ZNF600: variants seen among roughly 807,000 people sequenced by gnomAD.
ZNF600 encodes zinc finger protein KR-ZNF1.
Under a neutral mutation model 7.3 loss-of-function variants are expected in ZNF600, and 4 were observed. The observed-to-expected ratio is 0.55, with a 90% CI of 0.27 to 1.25. The LOEUF (loss-of-function observed/expected upper bound fraction) is 1.25, where lower values mean the gene tolerates loss of function less well. ZNF600 is among the 50% of genes most tolerant of loss of function. The pLI, the probability that ZNF600 is intolerant of heterozygous loss-of-function variation, is 0.12. For synonymous variants in ZNF600, 290 were observed against 308.9 expected, an observed-to-expected ratio of 0.94 and a Z score of 0.64; for missense variants, 911 against 922.1, an observed-to-expected ratio of 0.99 and a Z score of 0.16.
chr19:52,799,382 ATG>A, the ZNF600 span: 3 of 597,182 alleles, frequency 5.0e-6, no homozygotes, highest in South Asian at 6.3e-5. Context: ...GCATTTTCTT[ATG>A]TGTTTCAAGG....
the ZNF600 span, among the ~76,000 whole-genome samples, chr19:52,817,304 G>A: frequency 0.59 from 88,808 of 151,606 alleles, 27,214 homozygotes; most frequent in Non-Finnish European, 0.69. Context: ...CCCAGGAGGC[G>A]GAGGTTGCGG....
exon 4 of ZNF600, chr19:52,766,388 G>C (rs749561482): frequency 1.2e-6 from 2 of 1,613,978 alleles, no homozygotes; most frequent in Non-Finnish European, 8.5e-7. Flanking sequence ...GTGTCTCAAG[G>C]GTTGATCCAC....
intron 3 of ZNF600, 76 bp from the exon 6 acceptor site, chr19:52,767,848 C>T (rs1185762543): frequency 2.1e-6 from 3 of 1,460,610 alleles, no homozygotes; most frequent in African/African-American, 1.4e-5. Context: ...AAATATGACA[C>T]AAAAAACAAT....
the ZNF600 span, among the ~76,000 whole-genome samples, chr19:52,792,769 G>A: frequency 2.0e-5 from 3 of 151,364 alleles, no homozygotes; most frequent in Admixed American, 6.6e-5. Flanking sequence ...GTTTCACTCT[G>A]TCGCCCAGGC....
the ZNF600 span, chr19:52,799,537 T>C: frequency 7.2e-7 from 1 of 1,387,222 alleles, no homozygotes; most frequent in Non-Finnish European, 1.0e-6. Flanking sequence ...TTCTCTCCAG[T>C]ATGAATGGCT....
chr19:52,822,074 CTTTT>C, the ZNF600 span, among the ~76,000 whole-genome samples: 3 of 78,696 alleles, frequency 3.8e-5, no homozygotes, highest in African/African-American at 9.8e-5. Flanking sequence ...TTCTTTTTCC[CTTTT>C]TTTTTTTTTT....
At chr19:52,765,444 G>A (rs1285046974) in exon 4 of ZNF600, 2 of 1,233,966 alleles carry the variant, frequency 1.6e-6, no homozygotes, top group Non-Finnish European at 2.4e-6. Flanking sequence ...TCCAGTATGA[G>A]TGTGTCAATG....
intron 2 of ZNF600, among the ~76,000 whole-genome samples, chr19:52,777,133 C>A (rs911002419): frequency 2.0e-5 from 3 of 152,114 alleles, no homozygotes; most frequent in East Asian, 1.9e-4. Flanking sequence ...GTAATCCCAG[C>A]ACTATGGGAG....
At chr19:52,798,164 G>A in the ZNF600 span, 10 of 157,438 alleles carry the variant, frequency 6.4e-5, no homozygotes, top group Non-Finnish European at 1.1e-4. Context: ...AGAAAGAATA[G>A]AAATGAAAAC....
chr19:52,830,757 A>C, the ZNF600 span, among the ~76,000 whole-genome samples: 7 of 151,324 alleles, frequency 4.6e-5, no homozygotes, highest in African/African-American at 1.7e-4. Context: ...CAAAGTCAAT[A>C]GGCTGGTATT....
chr19:52,784,103 G>T (rs951748858), intron 1 of ZNF600, among the ~76,000 whole-genome samples: 41 of 152,216 alleles, frequency 2.7e-4, no homozygotes, highest in Middle Eastern at 3.4e-3. Flanking sequence ...ATAATTAGTA[G>T]GTAGGCCCGG....
chr19:52,819,359 T>C, the ZNF600 span, among the ~76,000 whole-genome samples: 1 of 145,402 alleles, frequency 6.9e-6, no homozygotes, highest in Non-Finnish European at 1.5e-5. Flanking sequence ...AGATGGTCTC[T>C]CTTTCTGAGT....
At chr19:52,815,276 G>T in the ZNF600 span, among the ~76,000 whole-genome samples, 1 of 145,084 alleles carries the variant, frequency 6.9e-6, no homozygotes, top group African/African-American at 2.7e-5. Context: ...AGCACTTTGG[G>T]AGGCTGAGGC....
At chr19:52,828,608 T>C in the ZNF600 span, among the ~76,000 whole-genome samples, 1 of 152,132 alleles carries the variant, frequency 6.6e-6, no homozygotes, top group African/African-American at 2.4e-5. Flanking sequence ...GCATAAGATA[T>C]AAAACATAGA....
rs1264540603 is a variant in ZNF600, at chr19:52,781,612, A to C, written c.-19-2705T>G. The C allele has an allele frequency of 2.0e-5, 3 of 152,082 alleles. No homozygotes were observed. In the East Asian group the frequency reaches 5.8e-4, roughly 29 times the overall value. The allele number at this position is 152,082 out of a possible 1,614,324, so 9.4% of individuals were successfully genotyped here. On this transcript the variant is annotated intron_variant, in intron 1 of 3. Coordinates refer to ENST00000648973, the Ensembl canonical transcript of ZNF600. ...AAACCCCATCTCTACCAAAAATACAAAAAATTAGCCAGGCATCATGGCATG... is the reference window on the plus strand; with the variant it reads ...AAACCCCATCTCTACCAAAAATACACAAAATTAGCCAGGCATCATGGCATG...
At chr19:52,799,004 C>T in the ZNF600 span, 11 of 844,154 alleles carry the variant, frequency 1.3e-5, no homozygotes, top group Middle Eastern at 2.6e-4. Flanking sequence ...AGCCTTGTTA[C>T]AAACCTTACA....
chr19:52,772,088 G>A (rs1222612593), intron 3 of ZNF600, among the ~76,000 whole-genome samples: 1 of 152,182 alleles, frequency 6.6e-6, no homozygotes, highest in East Asian at 1.9e-4. Context: ...GCAGGTGGAC[G>A]AATCACCTGA....
chr19:52,798,318 C>G, the ZNF600 span: 2 of 297,192 alleles, frequency 6.7e-6, no homozygotes, highest in Non-Finnish European at 1.3e-5. Context: ...TTAACATAAA[C>G]AGTTTAATGT....
chr19:52,779,670 T>C lies in ZNF600; in HGVS notation c.-19-763A>G, dbSNP rs553142307. Among the ~76,000 whole-genome samples the C allele has an allele frequency of 1.6e-3, 237 of 152,174 alleles. 2 individuals carry two copies. Among genetic ancestry groups the C allele is most frequent in the Middle Eastern group, 6.8e-3 (2 of 294 alleles). ...CTGGGAACTGCTTAGTGAGCCAGAC[T>C]CCCCTTCTATTCAAAGTCACCCCTC... On this transcript the variant is annotated intron_variant, in intron 1 of 3. Coordinates refer to ENST00000648973, the Ensembl canonical transcript of ZNF600.
Sources: gnomAD v4.1 joint callset for allele counts (sites outside exome capture counted in the v4.1 genomes callset) on GRCh38, gnomAD v4.1.1 for gene constraint, MANE v1.5 for transcripts, NCBI Gene and HGNC (gene_info 2026-07-23, HGNC 2026-07-21) for gene names.